Variants in CCBE1 observed in about 807,000 individuals in gnomAD.
CCBE1 encodes collagen and calcium binding EGF domains 1, also known as collagen and calcium-binding EGF domain-containing protein 1.
A neutral mutation model predicts 50.0 loss-of-function variants in CCBE1; 37 were observed. That is an observed-to-expected ratio of 0.74 (90% CI 0.57 to 0.97). The LOEUF is 0.97. Among genes scored for constraint, CCBE1 ranks in the 50% least tolerant of loss-of-function variants. CCBE1 has a pLI of 0.00. For missense variants in CCBE1, 538 were observed against 523.8 expected, an observed-to-expected ratio of 1.03 and a Z score of -0.26; for synonymous variants, 234 against 203.7, an observed-to-expected ratio of 1.15 and a Z score of -1.27.
At chr18:59,606,498 G>T (rs1308382738) in intron 2 of CCBE1, among the ~76,000 whole-genome samples, 4 of 152,148 alleles carry the variant, frequency 2.6e-5, no homozygotes, top group Non-Finnish European at 4.4e-5. Context: ...TTCAAAGAAA[G>T]TAGTAAACAT....
chr18:59,584,091 G>A (rs2053137665), intron 2 of CCBE1, among the ~76,000 whole-genome samples: 2 of 151,990 alleles, frequency 1.3e-5, no homozygotes, highest in African/African-American at 4.8e-5. Context: ...CAAAGACTTG[G>A]AACCAACCCA....
At chr18:59,696,574 C>A (rs1269278492) in intron 2 of CCBE1, 55 bp downstream of exon 2, 2 of 1,609,478 alleles carry the variant, frequency 1.2e-6, no homozygotes, top group Non-Finnish European at 1.7e-6. Context: ...AGCGCCGCCT[C>A]CCCAGCCAGC....
At chr18:59,491,296 C>T (rs1310378259) in intron 2 of CCBE1, among the ~76,000 whole-genome samples, 3 of 152,198 alleles carry the variant, frequency 2.0e-5, no homozygotes, top group Non-Finnish European at 4.4e-5. Flanking sequence ...TAAATTTTCT[C>T]TGCAAGTCTG....
Position 59,448,065 on chromosome 18 carries a change from C to A in CCBE1, c.693G>T (p.Lys231Asn). 6.2e-7 allele frequency: 1 copy of A among 1,614,160 alleles called. No homozygotes were observed. Among genetic ancestry groups the A allele is most frequent in the Non-Finnish European group, 8.5e-7 (1 of 1,180,036 alleles). Residue 231 changes from lysine to asparagine, a missense_variant, in exon 7 of 11, where the codon AAG becomes AAT. Transcript: ENST00000439986. The part of the protein sequence containing the change: ...LLPNNAADLG[K>N]YITGDKVLAS... Reference sequence around the variant, plus strand: ...CCAGCACCTTGTCACCAGTGATATACTTGCCCAGGTCAGCTGCATTGTTGG... The same window carrying A: ...CCAGCACCTTGTCACCAGTGATATAATTGCCCAGGTCAGCTGCATTGTTGG...
At position 59,633,765 on chromosome 18, in the gene CCBE1, A is replaced by C. The variant is rs144458476; in HGVS notation, c.212+62864T>G. ...TTTTTAAAATAAAACCTATGCATAAAATTTTATACTGAAATATTAGAATTA... is the reference window on the plus strand; with the variant it reads ...TTTTTAAAATAAAACCTATGCATAACATTTTATACTGAAATATTAGAATTA... On this transcript the variant is annotated intron_variant, in intron 2 of 10. Coordinates refer to ENST00000439986, the MANE Select transcript of CCBE1 (RefSeq NM_133459.4). Among the ~76,000 whole-genome samples, 873 of 152,204 alleles carry C rather than the reference A, an allele frequency of 5.7e-3. 4 individuals are homozygous for C. Among genetic ancestry groups the C allele is most frequent in the Non-Finnish European group, 9.6e-3 (650 of 68,000 alleles).
At chr18:59,684,083 A>G (rs1431538983) in intron 2 of CCBE1, among the ~76,000 whole-genome samples, 1 of 152,136 alleles carries the variant, frequency 6.6e-6, no homozygotes, top group African/African-American at 2.4e-5. Flanking sequence ...ATATGCTTCT[A>G]AACACTGAGG....
At chr18:59,676,300 G>A (rs952087700) in intron 2 of CCBE1, among the ~76,000 whole-genome samples, 7 of 152,208 alleles carry the variant, frequency 4.6e-5, no homozygotes, top group African/African-American at 1.7e-4. Context: ...TTCGCCACAT[G>A]GACTTGGATA....
chr18:59,559,926 T>C (rs74992393), intron 2 of CCBE1, among the ~76,000 whole-genome samples: 5,887 of 152,274 alleles, frequency 0.039, 160 homozygotes, highest in African/African-American at 0.082. Flanking sequence ...ACCGGGACAG[T>C]CCACCAAGAG....
chr18:59,625,961 G>T (rs1156635217), intron 2 of CCBE1, among the ~76,000 whole-genome samples: 1 of 152,140 alleles, frequency 6.6e-6, no homozygotes, highest in African/African-American at 2.4e-5. Context: ...CTCCACAGTT[G>T]CAAGAAAATA....
At chr18:59,527,837 C>T (rs1914888746) in intron 2 of CCBE1, among the ~76,000 whole-genome samples, 1 of 152,192 alleles carries the variant, frequency 6.6e-6, no homozygotes, top group Non-Finnish European at 1.5e-5. Context: ...AGGGTTTCTG[C>T]TGAGAGATCC....
At chr18:59,484,851 AAAT>A (rs1357225487) in intron 2 of CCBE1, among the ~76,000 whole-genome samples, 1 of 152,262 alleles carries the variant, frequency 6.6e-6, no homozygotes, top group African/African-American at 2.4e-5. Flanking sequence ...CATTTAAAAT[AAAT>A]AATGACATAT....
intron 2 of CCBE1, among the ~76,000 whole-genome samples, chr18:59,571,861 G>A (rs969847563): frequency 2.0e-5 from 3 of 152,194 alleles, no homozygotes; most frequent in Admixed American, 6.5e-5. Flanking sequence ...TACTGAATCT[G>A]CAACTCTAGG....
intron 2 of CCBE1, among the ~76,000 whole-genome samples, chr18:59,596,161 A>G (rs1163468707): frequency 1.3e-5 from 2 of 152,170 alleles, no homozygotes; most frequent in African/African-American, 2.4e-5. Context: ...TCTCATCCCT[A>G]TAAAGGAAGC....
At chr18:59,547,673 G>A (rs1915759395) in intron 2 of CCBE1, among the ~76,000 whole-genome samples, 3 of 152,190 alleles carry the variant, frequency 2.0e-5, no homozygotes. Flanking sequence ...GACAATTTTG[G>A]TCTAATGAGT....
chr18:59,621,434 C>T (rs1218953800), intron 2 of CCBE1, among the ~76,000 whole-genome samples: 1 of 152,198 alleles, frequency 6.6e-6, no homozygotes, highest in Non-Finnish European at 1.5e-5. Flanking sequence ...CACATCCACC[C>T]AGTGGAGCTG....
chr18:59,453,908 C>A (rs1281862365), intron 6 of CCBE1, among the ~76,000 whole-genome samples: 1 of 152,130 alleles, frequency 6.6e-6, no homozygotes, highest in Non-Finnish European at 1.5e-5. Context: ...CATCCCGGGG[C>A]ATTACTCACA....
rs568156651 is a variant in CCBE1 at position 59,452,830 on chromosome 18, A to T, written c.654+2021T>A. The stretch of plus-strand genomic sequence containing the variant: ...AACCTTTAGAAATAAATTGCTCCTC[A>T]TAACATTCCTTGAAAGTCTACATTA... On this transcript the variant is annotated intron_variant, in intron 6 of 10. Coordinates refer to ENST00000439986, the MANE Select transcript of CCBE1 (RefSeq NM_133459.4). Among the ~76,000 whole-genome samples the T allele has an allele frequency of 7.9e-5, 12 of 152,334 alleles. No individual in the cohort carries two copies. In the South Asian group the frequency reaches 2.5e-3, roughly 32 times the overall value.
At chr18:59,517,742 G>A (rs1914433844) in intron 2 of CCBE1, among the ~76,000 whole-genome samples, 1 of 152,080 alleles carries the variant, frequency 6.6e-6, no homozygotes, top group African/African-American at 2.4e-5. Context: ...AGTTTTCAGA[G>A]CACCGAGTTT....
intron 2 of CCBE1, among the ~76,000 whole-genome samples, chr18:59,512,212 G>A (rs1312524196): frequency 2.0e-5 from 3 of 152,194 alleles, no homozygotes; most frequent in South Asian, 4.1e-4. Context: ...TCCCTGGCTA[G>A]GGCTCCATCC....
Sources: allele counts gnomAD v4.1 joint callset (sites outside exome capture counted in the v4.1 genomes callset), GRCh38; gene constraint gnomAD v4.1.1; transcripts MANE v1.5; gene names NCBI Gene and HGNC (gene_info 2026-07-23, HGNC 2026-07-21).